Variants in ABCC1 observed in about 807,000 individuals in gnomAD.
The protein encoded by ABCC1 is ATP binding cassette subfamily C member 1 (ABCC1 blood group).
A neutral mutation model predicts 172.9 loss-of-function variants in ABCC1; 83 were observed. That is an observed-to-expected ratio of 0.48 (90% CI 0.40 to 0.58). The LOEUF (loss-of-function observed/expected upper bound fraction) is 0.58. ABCC1 is among the 20% of genes least tolerant of loss of function. ABCC1 has a pLI of 0.00. For synonymous variants in ABCC1, 937 were observed against 825.2 expected (o/e 1.14, Z -2.32); for missense variants, 1,817 against 2,002.7 (o/e 0.91, Z 1.77).
At chr16:16,140,548 C>G (rs1342281217) in intron 30 of ABCC1, among the ~76,000 whole-genome samples, 1 of 152,128 alleles carries the variant, frequency 6.6e-6, no homozygotes, top group East Asian at 1.9e-4. Flanking sequence ...GTGGCAGATG[C>G]TGAGTTGGTG....
Position 16,122,150 on chromosome 16 carries a change from A to G in ABCC1, c.3566A>G (p.Tyr1189Cys), listed in dbSNP as rs1308685899. The change falls in exon 24 of 31, where the codon TAT (tyrosine) becomes TGT (cysteine). Residue 1189 changes from tyrosine to cysteine, a missense_variant. Physicochemically the swap from Tyr to Cys is radical, Grantham distance 194. Coordinates refer to ENST00000399410, the MANE Select transcript of ABCC1 (RefSeq NM_004996.4). ...AAGGTGGACGAGAACCAGAAGGCCT[A>G]TTACCCCAGCATCGTGGCCAACAGG... is the stretch of plus-strand genomic sequence containing the variant. ...DLKVDENQKA[Y>C]YPSIVANRWL... 7 of 1,614,054 alleles carry G rather than the reference A, an allele frequency of 4.3e-6. No homozygotes were observed. The highest frequency in any genetic ancestry group is 1.7e-5 in the Admixed American group (1 of 60,002).
upstream of ABCC1, chr16:15,949,448 CG>C (rs1286054012): frequency 7.7e-6 from 1 of 129,244 alleles, no homozygotes; most frequent in Non-Finnish European, 1.6e-5. Flanking sequence ...GGGGGTGGCG[CG>C]GGGTCCAGGC....
intron 14 of ABCC1, chr16:16,076,104 T>C (rs1176917333): frequency 1.8e-6 from 1 of 548,092 alleles, no homozygotes; most frequent in African/African-American, 2.0e-5. Flanking sequence ...AGGACAAAGC[T>C]GCTTGCAGTT....
At chr16:16,053,178 T>C (rs1172940702) in intron 11 of ABCC1, among the ~76,000 whole-genome samples, 1 of 152,222 alleles carries the variant, frequency 6.6e-6, no homozygotes, top group Non-Finnish European at 1.5e-5. Context: ...TTATTATGTG[T>C]ATGTGTGACT....
At chr16:16,023,254 C>T (rs1456637931) in intron 5 of ABCC1, among the ~76,000 whole-genome samples, 3 of 152,178 alleles carry the variant, frequency 2.0e-5, no homozygotes, top group African/African-American at 4.8e-5. Flanking sequence ...TATTAGTATT[C>T]TTTCATGCAC....
intron 26 of ABCC1, among the ~76,000 whole-genome samples, chr16:16,131,201 C>T (rs1285912585): frequency 6.6e-6 from 1 of 152,178 alleles, no homozygotes; most frequent in African/African-American, 2.4e-5. Context: ...CACGTTAATT[C>T]TGGCAGACAA....
chr16:16,035,485 TC>T (rs1303956314), intron 6 of ABCC1, among the ~76,000 whole-genome samples: 3 of 133,024 alleles, frequency 2.3e-5, no homozygotes, highest in Non-Finnish European at 4.8e-5. Flanking sequence ...ATTTTTTCCT[TC>T]AGCCTATTTT....
At position 16,106,759 on chromosome 16, in the gene ABCC1, C is replaced by T; in HGVS notation, c.2757C>T (p.Ser919=). 6.2e-7 allele frequency: 1 copy of T among 1,614,094 alleles called. No homozygotes were observed. Among genetic ancestry groups the T allele is most frequent in the Non-Finnish European group, 8.5e-7 (1 of 1,180,030 alleles). Residue 919 remains serine (S), a synonymous_variant, in exon 21 of 31, where the codon TCC becomes TCT. Transcript: ENST00000399410. ...QLQRQLSSSS[S]YSGDISRHHN... ...CCAGACAGCTCAGCAGCTCCTCCTC[C>T]TATAGTGGGGACATCAGCAGGCACC...
At chr16:16,088,646 C>T (rs1239454188) in intron 18 of ABCC1, among the ~76,000 whole-genome samples, 1 of 151,980 alleles carries the variant, frequency 6.6e-6, no homozygotes, top group African/African-American at 2.4e-5. Context: ...ATTTGAAAAT[C>T]GTATTAAATT....
intron 16 of ABCC1, among the ~76,000 whole-genome samples, chr16:16,079,954 G>T (rs2050743546): frequency 6.6e-6 from 1 of 151,898 alleles, no homozygotes; most frequent in Non-Finnish European, 1.5e-5. Context: ...AGGATTACAG[G>T]CATGCGCCAC....
intron 1 of ABCC1, among the ~76,000 whole-genome samples, chr16:15,982,826 G>GAAAAAAAAAAAAAA (rs1272269895): frequency 3.7e-3 from 162 of 43,628 alleles, no homozygotes; most frequent in Non-Finnish European, 5.3e-3. Context: ...AAAAAAAAAG[G>GAAAAAAAAAAAAAA]AAATCCATTC....
intron 1 of ABCC1, among the ~76,000 whole-genome samples, chr16:15,963,161 T>G (rs977427466): frequency 6.6e-6 from 1 of 152,238 alleles, no homozygotes; most frequent in Admixed American, 6.5e-5. Flanking sequence ...CATAAAACTT[T>G]CAAGTTCCAT....
chr16:16,128,403 C>A (rs867764746), intron 26 of ABCC1, among the ~76,000 whole-genome samples: 7 of 152,230 alleles, frequency 4.6e-5, no homozygotes, highest in Middle Eastern at 3.4e-3. Context: ...CCCGCCTCAG[C>A]CTCCCAAAGT....
intron 1 of ABCC1, among the ~76,000 whole-genome samples, chr16:16,001,628 A>T (rs1040036356): frequency 2.0e-5 from 3 of 152,220 alleles, no homozygotes; most frequent in Non-Finnish European, 4.4e-5. Context: ...CTGAGCAGGA[A>T]AACGTGATTG....
rs2046138548 is a variant in ABCC1 at position 16,141,903 on chromosome 16, A to T, written c.*622A>T. The T allele has an allele frequency of 6.6e-6, 1 of 152,536 alleles. No homozygotes were observed. Among genetic ancestry groups the T allele is most frequent in the Non-Finnish European group, 1.5e-5 (1 of 68,298 alleles). The allele number at this position is 152,536 out of a possible 1,614,324, so 9.4% of individuals were successfully genotyped here. A position where few individuals can be genotyped will look rare whatever the true frequency, so the allele number is the denominator to read the frequency against. ...AGGCACTCAAAAGCTGGGAACCAGC[A>T]TCTCAGCGCCAGCTCTACCAGTTCT... On this transcript the variant is annotated 3_prime_UTR_variant, in exon 31 of 31. Transcript: ENST00000399410.
intron 13 of ABCC1, among the ~76,000 whole-genome samples, chr16:16,069,456 A>G (rs1425740011): frequency 6.6e-6 from 1 of 151,790 alleles, no homozygotes; most frequent in Admixed American, 6.6e-5. Flanking sequence ...CTGTGTAAGG[A>G]GGGGTGGCTT....
intron 1 of ABCC1, among the ~76,000 whole-genome samples, chr16:16,003,423 TGGA>T (rs2047392917): frequency 2.3e-3 from 240 of 104,846 alleles, no homozygotes; most frequent in Non-Finnish European, 3.8e-3. Flanking sequence ...GATGGATGGA[TGGA>T]TGGGTGAATG....
intron 1 of ABCC1, among the ~76,000 whole-genome samples, chr16:15,995,575 G>T (rs1180321974): frequency 1.3e-5 from 2 of 151,120 alleles, no homozygotes; most frequent in Non-Finnish European, 2.9e-5. Context: ...GTGTGAGAGT[G>T]GAGACTTTAT....
intron 19 of ABCC1, among the ~76,000 whole-genome samples, chr16:16,091,592 T>A (rs932679525): frequency 1.1e-4 from 16 of 152,182 alleles, no homozygotes; most frequent in African/African-American, 3.4e-4. Flanking sequence ...GGAAGTGTTG[T>A]GGGCAGAGGG....
Sources: gnomAD v4.1 joint callset for allele counts (sites outside exome capture counted in the v4.1 genomes callset) on GRCh38, gnomAD v4.1.1 for gene constraint, MANE v1.5 for transcripts, NCBI Gene and HGNC (gene_info 2026-07-23, HGNC 2026-07-21) for gene names.